Variants in NAT10 observed in about 807,000 individuals in gnomAD.
The protein encoded by NAT10 is N-acetyltransferase 10, also known as RNA cytidine acetyltransferase.
In NAT10, 109 loss-of-function variants were observed where a neutral mutation model predicts 132.2. The observed-to-expected ratio is 0.82, with a 90% CI of 0.71 to 0.97. NAT10 has a LOEUF of 0.97. Among genes scored for constraint, NAT10 ranks in the 50% least tolerant of loss-of-function variants. The pLI is 0.00. For missense variants in NAT10, 1,184 were observed against 1,263.4 expected (o/e 0.94, Z 0.95); for synonymous variants, 479 against 478.0 (o/e 1.00, Z -0.03).
Position 34,139,221 on chromosome 11 carries a change from ATGC to A in NAT10, c.2245_2247del (p.Leu749del). 6.2e-7 allele frequency: 1 copy of A among 1,614,134 alleles called. No homozygotes were observed. The highest frequency in any genetic ancestry group is 1.7e-5 in the Admixed American group (1 of 60,022). The stretch of plus-strand genomic sequence containing the variant: ...CCTGACCGGAGAGCACTCGTGCATC[ATGC>A]TGAAGACGCTCACTGATGAGGATGA... On this transcript the variant is annotated inframe_deletion, in exon 22 of 29. Coordinates refer to ENST00000257829, the MANE Select transcript of NAT10 (RefSeq NM_024662.3).
chr11:34,139,598 G>C lies in NAT10; in HGVS notation c.2419+103G>C. Reference sequence around the variant, plus strand: ...GTTTGGGCTGGAAATTGAGGGACTGGTTCTAGCCTGCAGTCACTCGCTGGT... The same window carrying C: ...GTTTGGGCTGGAAATTGAGGGACTGCTTCTAGCCTGCAGTCACTCGCTGGT... On this transcript the variant is annotated intron_variant, in intron 23 of 28. Coordinates refer to ENST00000257829, the MANE Select transcript of NAT10 (RefSeq NM_024662.3). The C allele has an allele frequency of 1.3e-5, 13 of 996,206 alleles. No homozygotes were observed. In the South Asian group the frequency reaches 1.8e-4, roughly 14 times the overall value. The allele number at this position is 996,206 out of a possible 1,614,324, so 61.7% of individuals were successfully genotyped here.
Position 34,113,630 on chromosome 11 carries a change from C to A in NAT10, c.373-86C>A, listed in dbSNP as rs574581978. ...CCAGCCTGGGCGACAGAGCAAGACT[C>A]CATCTCAAAAAAAAAAAAAAAAAAA... is the stretch of plus-strand genomic sequence containing the variant. On this transcript the variant is annotated intron_variant, in intron 4 of 28. Transcript: ENST00000257829. The A allele has an allele frequency of 1.2e-5, 16 of 1,372,342 alleles. No homozygotes were observed. The East Asian group carries it at 2.8e-4, about 24-fold the overall frequency. The allele number at this position is 1,372,342 out of a possible 1,614,324, so 85.0% of individuals were successfully genotyped here.
chr11:34,118,157 A>T (rs1357198215), intron 6 of NAT10, 23 bp from the exon 7 acceptor site: 1 of 1,580,880 alleles, frequency 6.3e-7, no homozygotes, highest in Non-Finnish European at 8.7e-7. Flanking sequence ...CCAACACTTC[A>T]TTGCAGCGGT....
intron 2 of NAT10, 104 bp downstream of exon 2, chr11:34,108,437 T>C: frequency 1.0e-6 from 1 of 953,470 alleles, no homozygotes; most frequent in Non-Finnish European, 1.6e-6. Flanking sequence ...TAAGATCTCT[T>C]TGGCTGGTAA....
intron 21 of NAT10, among the ~76,000 whole-genome samples, chr11:34,137,876 A>G (rs532901296): frequency 1.2e-4 from 18 of 152,198 alleles, no homozygotes; most frequent in African/African-American, 4.3e-4. Context: ...TGTTGAGAGG[A>G]TGAGGAGGAT....
chr11:34,125,978 C>G (rs1203074919), intron 11 of NAT10, among the ~76,000 whole-genome samples: 1 of 152,084 alleles, frequency 6.6e-6, no homozygotes, highest in Non-Finnish European at 1.5e-5. Context: ...GAGGCTTTGT[C>G]TCAAAAAATG....
In NAT10 at chr11:34,140,470, G is replaced by A; in HGVS notation, c.2490G>A (p.Arg830=). 1 of 1,614,242 alleles carries A rather than the reference G, an allele frequency of 6.2e-7. No homozygotes were observed. Among genetic ancestry groups the A allele is most frequent in the Non-Finnish European group, 8.5e-7 (1 of 1,180,040 alleles). ...TGAAGCGGCTGGAGATGTATTCACG[G>A]AATATGGTGGACTATCACCTCATCA... is the stretch of plus-strand genomic sequence containing the variant. ...YDLKRLEMYS[R]NMVDYHLIMD... is the part of the protein sequence containing the mutation. The change falls in exon 24 of 29, where the codon CGG becomes CGA. Residue 830 remains arginine (R), a synonymous_variant. Coordinates refer to ENST00000257829, the MANE Select transcript of NAT10 (RefSeq NM_024662.3).
At chr11:34,141,525 A>G (rs1179281076) in intron 25 of NAT10, among the ~76,000 whole-genome samples, 194 bp from the exon 26 acceptor site, 2 of 151,952 alleles carry the variant, frequency 1.3e-5, no homozygotes, top group South Asian at 2.1e-4. Flanking sequence ...AGGCATCCCT[A>G]TTAGGAATTT....
chr11:34,131,560 G>T (rs12419404), intron 14 of NAT10, 29 bp downstream of exon 14: 98,499 of 1,586,990 alleles, frequency 0.062, 3,543 homozygotes, highest in Non-Finnish European at 0.073. Flanking sequence ...CACTGGCCCT[G>T]TGAAAAGGAG....
At chr11:34,127,345 A>G (rs2132957679) in intron 11 of NAT10, 118 bp from the exon 12 acceptor site, 1 of 1,151,544 alleles carries the variant, frequency 8.7e-7, no homozygotes, top group Non-Finnish European at 1.2e-6. Flanking sequence ...GAGGAATGAG[A>G]GGAGAGAAGG....
At chr11:34,139,150 A>G (rs1336489828) in intron 21 of NAT10, 41 bp from the exon 22 acceptor site, 2 of 1,554,150 alleles carry the variant, frequency 1.3e-6, no homozygotes, top group Non-Finnish European at 1.8e-6. Context: ...TATTCAAAAA[A>G]AGGGGGTTCT....
intron 27 of NAT10, among the ~76,000 whole-genome samples, chr11:34,142,622 G>A (rs181215129): frequency 6.6e-6 from 1 of 152,320 alleles, no homozygotes. Flanking sequence ...TTCCAGGAGT[G>A]GGGGTGCCGA....
At chr11:34,124,543 G>A in intron 11 of NAT10, 143 bp downstream of exon 11, 1 of 491,944 alleles carries the variant, frequency 2.0e-6, no homozygotes, top group Admixed American at 3.9e-5. Context: ...TGCTAAACCT[G>A]TTCCAGATTT....
chr11:34,123,529 C>T (rs890496938), intron 9 of NAT10, among the ~76,000 whole-genome samples: 8 of 152,278 alleles, frequency 5.3e-5, no homozygotes, highest in South Asian at 2.1e-4. Flanking sequence ...TTCTGCACAC[C>T]GAGGGCGTTG....
At chr11:34,142,035 G>C in intron 26 of NAT10, 1 of 620,372 alleles carries the variant, frequency 1.6e-6, no homozygotes, top group South Asian at 2.0e-5. Flanking sequence ...TGTGTGTTGT[G>C]AATGTAGGAT....
intron 19 of NAT10, 38 bp from the exon 20 acceptor site, chr11:34,136,604 G>A (rs1852217998): frequency 2.5e-6 from 4 of 1,613,666 alleles, no homozygotes; most frequent in Non-Finnish European, 3.4e-6. Context: ...CTCTCCCTCT[G>A]CTGAATGGAC....
chr11:34,137,904 G>T (rs1852246602), intron 21 of NAT10, among the ~76,000 whole-genome samples: 1 of 152,184 alleles, frequency 6.6e-6, no homozygotes, highest in Admixed American at 6.5e-5. Flanking sequence ...GCTGGCCATT[G>T]GATTTGTCAG....
Position 34,122,479 on chromosome 11 carries a change from T to C in NAT10, c.801T>C (p.Phe267=). The C allele has an allele frequency of 1.9e-6, 3 of 1,614,206 alleles. No individual in the cohort carries two copies. Among genetic ancestry groups the C allele is most frequent in the Non-Finnish European group, 2.5e-6 (3 of 1,180,022 alleles). The change falls in exon 9 of 29, where the codon TTT becomes TTC. Residue 267 remains phenylalanine (F), a synonymous_variant. Coordinates refer to ENST00000257829, the MANE Select transcript of NAT10 (RefSeq NM_024662.3). ...CACAGGCCAAAGCTGTCTTGAAATT[T>C]ATCGAGGGCATCTCTGAAAAGACCC... ...TLDQAKAVLK[F]IEGISEKTLR...
chr11:34,142,126 T>C, intron 26 of NAT10, 149 bp from the exon 27 acceptor site: 1 of 735,744 alleles, frequency 1.4e-6, no homozygotes, highest in Non-Finnish European at 2.3e-6. Context: ...CTTAAAATAA[T>C]CAAAGCTGCC....
Sources: gnomAD v4.1 joint callset for allele counts (sites outside exome capture counted in the v4.1 genomes callset) on GRCh38, gnomAD v4.1.1 for gene constraint, MANE v1.5 for transcripts, NCBI Gene and HGNC (gene_info 2026-07-23, HGNC 2026-07-21) for gene names.